ENTPD1: variants seen among roughly 807,000 people sequenced by gnomAD.
The protein encoded by ENTPD1 is ectonucleoside triphosphate diphosphohydrolase 1, also known as ATP diphosphohydrolase.
A neutral mutation model predicts 57.0 loss-of-function variants in ENTPD1; 33 were observed. That is an observed-to-expected ratio of 0.58 (90% CI 0.44 to 0.77). The LOEUF is 0.77. ENTPD1 is among the 30% of genes least tolerant of loss of function. ENTPD1 has a pLI of 0.00. For synonymous variants in ENTPD1, 202 were observed against 218.8 expected, an observed-to-expected ratio of 0.92 and a Z score of 0.68; for missense variants, 501 against 603.4, an observed-to-expected ratio of 0.83 and a Z score of 1.78.
chr10:95,837,684 G>T (rs968404295), intron 2 of ENTPD1, among the ~76,000 whole-genome samples: 8 of 152,148 alleles, frequency 5.3e-5, no homozygotes, highest in Admixed American at 1.3e-4. Flanking sequence ...CTAGTGAAAT[G>T]GAGTAGAGTT....
chr10:95,755,929 GAA>G, upstream of ENTPD1: 1 of 1,486,636 alleles, frequency 6.7e-7, no homozygotes, highest in Non-Finnish European at 8.9e-7. Context: ...GAAGAAGGGA[GAA>G]AGAGAGAGAG....
intron 1 of ENTPD1, among the ~76,000 whole-genome samples, chr10:95,769,471 A>C (rs917174204): frequency 1.3e-5 from 2 of 152,252 alleles, no homozygotes; most frequent in Non-Finnish European, 2.9e-5. Context: ...GTTGGAGTGG[A>C]GAAAGCAAGG....
chr10:95,845,879 T>A (rs771503413), intron 6 of ENTPD1: 56 of 476,756 alleles, frequency 1.2e-4, no homozygotes, highest in Non-Finnish European at 1.8e-4. Context: ...ATGAAAATTA[T>A]GTGGTAGAAT....
At chr10:95,760,097 A>G (rs2098050226) in intron 1 of ENTPD1, among the ~76,000 whole-genome samples, 1 of 152,210 alleles carries the variant, frequency 6.6e-6, no homozygotes, top group Non-Finnish European at 1.5e-5. Context: ...TGAGGCTGTA[A>G]TGTGCTATAT....
In ENTPD1 at chr10:95,874,119, C is replaced by T. The variant is rs2098483356; in HGVS notation, c.*7736C>T. On this transcript the variant is annotated 3_prime_UTR_variant, in exon 10 of 10. Transcript: ENST00000371205. The stretch of plus-strand genomic sequence containing the variant: ...AACCAATCATTCCTTCCCAACAGTT[C>T]CCCAAAGTCTTAACTCATTTCAGCA... 6.6e-6 allele frequency among the ~76,000 whole-genome samples: 1 copy of T among 152,170 alleles called. No homozygotes were observed.
the ENTPD1 span, among the ~76,000 whole-genome samples, chr10:95,704,914 A>G: frequency 5.9e-5 from 9 of 151,756 alleles, no homozygotes; most frequent in East Asian, 1.5e-3. Flanking sequence ...ATATAAAAAG[A>G]AGGATGTGTA....
intron 1 of ENTPD1, among the ~76,000 whole-genome samples, chr10:95,809,707 C>T (rs999809714): frequency 1.3e-5 from 2 of 148,492 alleles, no homozygotes; most frequent in South Asian, 2.1e-4. Flanking sequence ...CTCCCCACCC[C>T]CCAGACGGGG....
chr10:95,849,896 G>A (rs888339426), intron 7 of ENTPD1, among the ~76,000 whole-genome samples: 9 of 152,344 alleles, frequency 5.9e-5, no homozygotes, highest in African/African-American at 9.6e-5. Flanking sequence ...TTGGCCAAGG[G>A]CCTTTTTCAT....
intron 3 of ENTPD1, among the ~76,000 whole-genome samples, chr10:95,841,312 G>A (rs1312323047): frequency 3.9e-5 from 6 of 152,066 alleles, no homozygotes; most frequent in Non-Finnish European, 7.4e-5. Flanking sequence ...ACTTGAACCC[G>A]GGAGGCGGAG....
intron 7 of ENTPD1, among the ~76,000 whole-genome samples, chr10:95,851,372 A>C (rs1311831983): frequency 6.6e-6 from 1 of 152,036 alleles, no homozygotes; most frequent in Non-Finnish European, 1.5e-5. Flanking sequence ...CAAAGGAGAG[A>C]AAATAACACC....
chr10:95,838,440 T>C (rs1313611814), intron 2 of ENTPD1, among the ~76,000 whole-genome samples: 3 of 152,218 alleles, frequency 2.0e-5, no homozygotes, highest in African/African-American at 7.2e-5. Context: ...GATAAAAATA[T>C]AGTATATCCA....
intron 1 of ENTPD1, among the ~76,000 whole-genome samples, chr10:95,784,102 CT>C (rs200561277): frequency 1.5e-3 from 202 of 134,566 alleles, no homozygotes; most frequent in Middle Eastern, 3.9e-3. Context: ...TTTGCTTGTT[CT>C]TTTTTTTTTT....
Position 95,872,180 on chromosome 10 carries a change from C to A in ENTPD1, c.*5797C>A, listed in dbSNP as rs566862859. The A allele has an allele frequency of 9.1e-6, 9 of 985,466 alleles. No homozygotes were observed. Among genetic ancestry groups the A allele is most frequent in the Non-Finnish European group, 9.6e-6 (8 of 829,934 alleles). The allele number at this position is 985,466 out of a possible 1,614,324, so 61.0% of individuals were successfully genotyped here. ...GATACCAGGAATGGTGGTGTTGCTTCCAATCTGTTGCTGCTAGATTAATCT... is the reference window on the plus strand; with the variant it reads ...GATACCAGGAATGGTGGTGTTGCTTACAATCTGTTGCTGCTAGATTAATCT... On this transcript the variant is annotated 3_prime_UTR_variant, in exon 10 of 10. Coordinates refer to ENST00000371205, the MANE Select transcript of ENTPD1 (RefSeq NM_001776.6).
chr10:95,844,854 C>G, intron 5 of ENTPD1: 1 of 645,262 alleles, frequency 1.5e-6, no homozygotes, highest in Admixed American at 2.5e-5. Context: ...AAGGACATGT[C>G]TTTACCTTAG....
intron 1 of ENTPD1, among the ~76,000 whole-genome samples, chr10:95,742,813 G>A (rs894083031): frequency 3.9e-5 from 6 of 152,088 alleles, no homozygotes; most frequent in Admixed American, 1.3e-4. Context: ...TACAACAGCT[G>A]CAGTTAAATA....
intron 1 of ENTPD1, among the ~76,000 whole-genome samples, chr10:95,778,331 CAGTT>C (rs1184389375): frequency 6.6e-6 from 1 of 152,188 alleles, no homozygotes; most frequent in Non-Finnish European, 1.5e-5. Context: ...AAGACCCAGG[CAGTT>C]GACTTGACTC....
chr10:95,822,148 C>T (rs916307763), intron 1 of ENTPD1, among the ~76,000 whole-genome samples: 4 of 151,248 alleles, frequency 2.6e-5, no homozygotes, highest in South Asian at 2.1e-4. Context: ...GGCAGGTGCA[C>T]GCCACCATGC....
intron 1 of ENTPD1, among the ~76,000 whole-genome samples, chr10:95,760,084 G>A (rs1481962908): frequency 1.3e-5 from 2 of 152,172 alleles, no homozygotes; most frequent in Non-Finnish European, 2.9e-5. Flanking sequence ...GGGCCCAGGA[G>A]TTTGAGGCTG....
intron 7 of ENTPD1, among the ~76,000 whole-genome samples, chr10:95,854,806 T>C (rs1212280855): frequency 2.6e-5 from 4 of 152,258 alleles, no homozygotes; most frequent in Non-Finnish European, 5.9e-5. Flanking sequence ...GACAGTTTGT[T>C]ATAATTTCTG....
Sources: allele counts gnomAD v4.1 joint callset (sites outside exome capture counted in the v4.1 genomes callset), GRCh38; gene constraint gnomAD v4.1.1; transcripts MANE v1.5; gene names NCBI Gene and HGNC (gene_info 2026-07-23, HGNC 2026-07-21).